The following R3HDM2 variants were observed in gnomAD, a reference collection of about 807,000 sequenced individuals.
The protein encoded by R3HDM2 is R3H domain-containing protein 2.
In R3HDM2, 38 loss-of-function variants were observed where a neutral mutation model predicts 124.5. The observed-to-expected ratio is 0.31, with a 90% CI of 0.24 to 0.40. The LOEUF (loss-of-function observed/expected upper bound fraction) is 0.40. Ranked by LOEUF, R3HDM2 falls within the 10% of genes least tolerant of loss-of-function variation. The probability of loss-of-function intolerance (pLI) is 1.00; values close to 1 mark genes in which losing one functional copy is unlikely to be tolerated. For missense variants in R3HDM2, 869 were observed against 1,236.9 expected, an observed-to-expected ratio of 0.70 and a Z score of 4.46; for synonymous variants, 391 against 448.0, an observed-to-expected ratio of 0.87 and a Z score of 1.61.
chr12:57,318,146 C>T (rs531314214), intron 2 of R3HDM2, among the ~76,000 whole-genome samples: 30 of 151,340 alleles, frequency 2.0e-4, no homozygotes, highest in African/African-American at 6.3e-4. Flanking sequence ...AAAAATTAGC[C>T]GGGCATGGTG....
intron 2 of R3HDM2, among the ~76,000 whole-genome samples, chr12:57,379,517 T>G (rs1187831762): frequency 6.6e-6 from 1 of 151,276 alleles, no homozygotes; most frequent in African/African-American, 2.4e-5. Flanking sequence ...GAGGAGGAGG[T>G]TGTGGTGAGC....
intron 2 of R3HDM2, among the ~76,000 whole-genome samples, chr12:57,360,018 T>TAC (rs1566327714): frequency 1.1e-5 from 1 of 87,114 alleles, no homozygotes; most frequent in East Asian, 3.1e-4. Flanking sequence ...TATATATATA[T>TAC]ATATACACAC....
intron 2 of R3HDM2, among the ~76,000 whole-genome samples, chr12:57,348,241 T>C (rs1014010802): frequency 2.0e-5 from 3 of 151,844 alleles, no homozygotes; most frequent in African/African-American, 7.3e-5. Context: ...CTGGGCAACA[T>C]GGCGAGACCT....
chr12:57,284,064 G>GACC lies in R3HDM2; in HGVS notation c.939-11_939-9dup. 1 of 1,583,288 alleles carries GACC rather than the reference G, an allele frequency of 6.3e-7. No individual in the cohort carries two copies. The highest frequency in any genetic ancestry group is 8.6e-7 in the Non-Finnish European group (1 of 1,164,798). ...AGTCCTTCACGGTTCCCCCTGCAGAGACCATAGTGGTCAGAGCACCTCCCA... is the reference window on the plus strand; with the variant it reads ...AGTCCTTCACGGTTCCCCCTGCAGAGACCACCATAGTGGTCAGAGCACCTCCCA... On this transcript the variant is annotated splice_polypyrimidine_tract_variant and intron_variant, in intron 12 of 23. Transcript: ENST00000402412.
At chr12:57,304,057 A>G (rs1331319353) in intron 3 of R3HDM2, among the ~76,000 whole-genome samples, 1 of 152,190 alleles carries the variant, frequency 6.6e-6, no homozygotes, top group Non-Finnish European at 1.5e-5. Context: ...ACACACATTC[A>G]TAGTTCCAAC....
At chr12:57,354,148 C>T (rs992210845) in intron 2 of R3HDM2, among the ~76,000 whole-genome samples, 1 of 151,372 alleles carries the variant, frequency 6.6e-6, no homozygotes, top group Admixed American at 6.6e-5. Context: ...GGATTACAGG[C>T]GTGAGCCACC....
intron 19 of R3HDM2, among the ~76,000 whole-genome samples, chr12:57,260,143 A>G (rs1170397532): frequency 6.6e-6 from 1 of 151,598 alleles, no homozygotes. Context: ...AAGCACCTGT[A>G]GTCTCAGCAG....
At chr12:57,406,544 T>C (rs183192692) in intron 1 of R3HDM2, among the ~76,000 whole-genome samples, 2 of 152,228 alleles carry the variant, frequency 1.3e-5, no homozygotes, top group South Asian at 2.1e-4. Context: ...AAATAAGCGA[T>C]GAGGGGAGTA....
At chr12:57,303,003 GTGTA>G (rs1305480611) in intron 4 of R3HDM2, among the ~76,000 whole-genome samples, 169 bp downstream of exon 4, 1 of 152,186 alleles carries the variant, frequency 6.6e-6, no homozygotes, top group African/African-American at 2.4e-5. Context: ...AGGTATGTAT[GTGTA>G]TGTGTACATG....
chr12:57,328,443 T>G (rs2136497970), intron 2 of R3HDM2, among the ~76,000 whole-genome samples: 1 of 152,308 alleles, frequency 6.6e-6, no homozygotes, highest in East Asian at 1.9e-4. Context: ...ATCATCAACC[T>G]TGAGACCAGA....
intron 5 of R3HDM2, among the ~76,000 whole-genome samples, chr12:57,299,772 T>C (rs1227517117): frequency 1.3e-5 from 2 of 152,088 alleles, no homozygotes; most frequent in African/African-American, 4.8e-5. Context: ...CATAAGAAAA[T>C]AAGATCTAGC....
chr12:57,344,468 A>G (rs2137051528), intron 2 of R3HDM2, among the ~76,000 whole-genome samples: 1 of 152,342 alleles, frequency 6.6e-6, no homozygotes, highest in South Asian at 2.1e-4. Context: ...AAGAATCAAG[A>G]TAATTTGAAT....
chr12:57,263,412 A>G (rs1043201133), intron 19 of R3HDM2, among the ~76,000 whole-genome samples: 1 of 152,204 alleles, frequency 6.6e-6, no homozygotes, highest in Non-Finnish European at 1.5e-5. Flanking sequence ...CAATAACATA[A>G]TAAAAGTTAA....
intron 19 of R3HDM2, among the ~76,000 whole-genome samples, chr12:57,262,591 C>G (rs1235928511): frequency 6.6e-6 from 1 of 152,148 alleles, no homozygotes; most frequent in Admixed American, 6.5e-5. Flanking sequence ...TAATCCTAAT[C>G]CCTGCCTTTA....
intron 2 of R3HDM2, among the ~76,000 whole-genome samples, chr12:57,371,324 T>C (rs573775660): frequency 6.6e-6 from 1 of 151,428 alleles, no homozygotes; most frequent in Admixed American, 6.6e-5. Context: ...GAGAGAAAAA[T>C]ATTTTCATGA....
At chr12:57,407,519 C>A (rs763466176) in intron 1 of R3HDM2, among the ~76,000 whole-genome samples, 12 of 151,430 alleles carry the variant, frequency 7.9e-5, no homozygotes, top group Non-Finnish European at 1.6e-4. Context: ...AATTCTCCTG[C>A]CTCAGCCTCC....
At chr12:57,331,993 G>A (rs1214389322) in intron 2 of R3HDM2, among the ~76,000 whole-genome samples, 1 of 151,810 alleles carries the variant, frequency 6.6e-6, no homozygotes, top group Non-Finnish European at 1.5e-5. Flanking sequence ...GAAAGGGTGA[G>A]GTAGCAGGAT....
chr12:57,367,267 T>C (rs549547070), intron 2 of R3HDM2, among the ~76,000 whole-genome samples: 1 of 152,176 alleles, frequency 6.6e-6, no homozygotes, highest in South Asian at 2.1e-4. Context: ...ACCAGTGAAC[T>C]AAAGCTAAAG....
intron 13 of R3HDM2, among the ~76,000 whole-genome samples, chr12:57,281,473 C>G (rs1467907351): frequency 6.6e-6 from 1 of 152,018 alleles, no homozygotes; most frequent in Non-Finnish European, 1.5e-5. Flanking sequence ...AGTCCTTGCC[C>G]TTAACAGCAC....
Sources: allele counts gnomAD v4.1 joint callset (sites outside exome capture counted in the v4.1 genomes callset), GRCh38; gene constraint gnomAD v4.1.1; transcripts MANE v1.5; gene names NCBI Gene and HGNC (gene_info 2026-07-23, HGNC 2026-07-21).